MCM6: variants seen among roughly 807,000 people sequenced by gnomAD.
MCM6 encodes DNA replication licensing factor MCM6.
Under a neutral mutation model 94.3 loss-of-function variants are expected in MCM6, and 46 were observed. The ratio of observed to expected loss-of-function variants is 0.49; its 90% CI spans 0.39 to 0.62. MCM6 has a LOEUF of 0.62. Ranked by LOEUF, MCM6 falls within the 20% of genes least tolerant of loss-of-function variation. The pLI, the probability that MCM6 is intolerant of heterozygous loss-of-function variation, is 0.00. For missense variants in MCM6, 865 were observed against 1,017.9 expected, an observed-to-expected ratio of 0.85 and a Z score of 2.04; for synonymous variants, 335 against 351.9, an observed-to-expected ratio of 0.95 and a Z score of 0.54.
At chr2:135,848,267 G>T in intron 13 of MCM6, 79 bp from the exon 14 acceptor site, 1 of 1,092,870 alleles carries the variant, frequency 9.2e-7, no homozygotes, top group Non-Finnish European at 1.3e-6. Context: ...AATCACAGTA[G>T]TATGTATTTT....
At chr2:135,843,483 A>G (rs1679613674) in intron 16 of MCM6, among the ~76,000 whole-genome samples, 1 of 152,150 alleles carries the variant, frequency 6.6e-6, no homozygotes, top group Non-Finnish European at 1.5e-5. Context: ...CTGTAATCCC[A>G]GCAGTTTGGG....
At chr2:135,860,423 C>T (rs189486557) in intron 8 of MCM6, among the ~76,000 whole-genome samples, 104 of 152,256 alleles carry the variant, frequency 6.8e-4, no homozygotes, top group African/African-American at 2.3e-3. Context: ...CGTGAGCCAC[C>T]GCGCCCAGCT....
Position 135,872,405 on chromosome 2 carries a change from G to A in MCM6, c.254+292C>T, listed in dbSNP as rs556221322. On this transcript the variant is annotated intron_variant, in intron 2 of 16. Transcript: ENST00000264156. ...AGAGGTTGCAGTGAGCCAAGATCGC[G>A]CCACTGCATTTCGGCCTAGGTGTGA... Among the ~76,000 whole-genome samples, 402 of 152,224 alleles carry A rather than the reference G, an allele frequency of 2.6e-3. 5 individuals carry two copies. Among genetic ancestry groups the A allele is most frequent in the Non-Finnish European group, 1.1e-3 (77 of 68,014 alleles).
chr2:135,872,498 G>A (rs4988156), intron 2 of MCM6, among the ~76,000 whole-genome samples, 199 bp downstream of exon 2: 84 of 151,904 alleles, frequency 5.5e-4, no homozygotes, highest in African/African-American at 1.7e-3. Flanking sequence ...ACAAAAAAAC[G>A]TTCGGCTCTA....
At chr2:135,867,237 G>T (rs545001937) in intron 4 of MCM6, among the ~76,000 whole-genome samples, 189 of 152,152 alleles carry the variant, frequency 1.2e-3, no homozygotes, top group African/African-American at 4.3e-3. Context: ...TAAGAATAAA[G>T]ACAATCCTGT....
At chr2:135,841,728 T>C (rs986436917) in intron 16 of MCM6, among the ~76,000 whole-genome samples, 1 of 152,192 alleles carries the variant, frequency 6.6e-6, no homozygotes, top group African/African-American at 2.4e-5. Flanking sequence ...CATACCTTCA[T>C]AGGAAGCATC....
chr2:135,875,240 T>A (rs899467862), intron 1 of MCM6, among the ~76,000 whole-genome samples: 2 of 152,096 alleles, frequency 1.3e-5, no homozygotes, highest in African/African-American at 4.8e-5. Context: ...GGCGCATGCC[T>A]GTAATTCCAG....
intron 13 of MCM6, 42 bp from the exon 14 acceptor site, chr2:135,848,230 T>C: frequency 6.8e-7 from 1 of 1,463,902 alleles, no homozygotes. Flanking sequence ...CTTTTTTTGA[T>C]ATACCAAACA....
intron 16 of MCM6, among the ~76,000 whole-genome samples, chr2:135,842,625 T>G (rs1221442210): frequency 2.0e-5 from 3 of 152,096 alleles, no homozygotes; most frequent in Admixed American, 2.0e-4. Context: ...CAAGGCAGGG[T>G]GACAGCAAGA....
chr2:135,845,715 A>C (rs962714789), intron 15 of MCM6, among the ~76,000 whole-genome samples: 3 of 152,236 alleles, frequency 2.0e-5, no homozygotes, highest in Admixed American at 2.0e-4. Flanking sequence ...CTATAGGGTG[A>C]TAAAACTTTG....
At chr2:135,870,704 T>G (rs114755927) in intron 2 of MCM6, among the ~76,000 whole-genome samples, 1 of 152,200 alleles carries the variant, frequency 6.6e-6, no homozygotes, top group South Asian at 2.1e-4. Context: ...GAATTTTCTG[T>G]GGGCTGTTTA....
At chr2:135,859,502 G>A in intron 8 of MCM6, 60 bp from the exon 9 acceptor site, 2 of 1,210,554 alleles carry the variant, frequency 1.7e-6, no homozygotes, top group East Asian at 2.5e-5. Flanking sequence ...CCCTTCCCAG[G>A]AAAACCAGCA....
At chr2:135,866,423 A>G in intron 5 of MCM6, 140 bp downstream of exon 5, 1 of 1,388,186 alleles carries the variant, frequency 7.2e-7, no homozygotes, top group Non-Finnish European at 9.9e-7. Context: ...GGCAAAACCA[A>G]TTTGTTTTTA....
chr2:135,846,175 G>T, intron 15 of MCM6, 62 bp downstream of exon 15: 1 of 1,507,876 alleles, frequency 6.6e-7, no homozygotes, highest in Non-Finnish European at 9.1e-7. Flanking sequence ...ATCACAAGTG[G>T]CCTATGTGAA....
rs570879073 is a variant in MCM6, at chr2:135,869,044, A to G, written c.366-184T>C. Among the ~76,000 whole-genome samples, 7 of 152,340 alleles carry G rather than the reference A, an allele frequency of 4.6e-5. No homozygotes were observed. The East Asian group carries it at 1.3e-3, about 29-fold the overall frequency. On this transcript the variant is annotated intron_variant, in intron 3 of 16. Transcript: ENST00000264156. ...TGCCCAATCCTAAATTATATGACGT[A>G]TATGTATCCAGAACAAAATATATAA...
intron 16 of MCM6, among the ~76,000 whole-genome samples, chr2:135,843,404 TAATGAATGTA>T (rs976126994): frequency 6.6e-5 from 10 of 151,918 alleles, no homozygotes; most frequent in Admixed American, 1.3e-4. Context: ...ATCACTTAGG[TAATGAATGTA>T]AACTATCTGA....
chr2:135,874,965 G>T (rs1466633045), intron 1 of MCM6, among the ~76,000 whole-genome samples: 1 of 152,220 alleles, frequency 6.6e-6, no homozygotes, highest in Non-Finnish European at 1.5e-5. Context: ...GGTACCTAGA[G>T]TGGTCAAACT....
chr2:135,850,500 G>A (rs550225987), intron 13 of MCM6, among the ~76,000 whole-genome samples: 2 of 152,074 alleles, frequency 1.3e-5, no homozygotes, highest in Non-Finnish European at 2.9e-5. Flanking sequence ...GTCCCCTACA[G>A]GTGTTCCCTA....
rs1486346430 is a variant in MCM6 at position 135,849,868 on chromosome 2, AATGG to A, written c.1917+1530_1917+1533del. The stretch of plus-strand genomic sequence containing the variant: ...AGAAAGGCCTAACAAAAGTTTTTTT[AATGG>A]ATGAAGATTATGAACATATGAGACA... On this transcript the variant is annotated intron_variant, in intron 13 of 16. Transcript: ENST00000264156. Among the ~76,000 whole-genome samples, 4 of 152,214 alleles carry A rather than the reference AATGG, an allele frequency of 2.6e-5. No individual in the cohort carries two copies. In the East Asian group the frequency reaches 7.7e-4, roughly 29 times the overall value.
Sources: allele counts gnomAD v4.1 joint callset (sites outside exome capture counted in the v4.1 genomes callset), GRCh38; gene constraint gnomAD v4.1.1; transcripts MANE v1.5; gene names NCBI Gene and HGNC (gene_info 2026-07-23, HGNC 2026-07-21).